The following ENAH variants were observed in gnomAD, a reference collection of about 807,000 sequenced individuals.
ENAH encodes the protein protein enabled homolog.
ENAH carries 23 observed loss-of-function variants against 78.7 expected under a neutral mutation model. The observed-to-expected ratio is 0.29, with a 90% CI of 0.21 to 0.41. ENAH has a LOEUF of 0.41. ENAH is among the 10% of genes least tolerant of loss of function. The pLI, the probability that ENAH is intolerant of heterozygous loss-of-function variation, is 1.00. For missense variants in ENAH, 544 were observed against 691.0 expected (o/e 0.79, Z 2.39); for synonymous variants, 226 against 241.0 (o/e 0.94, Z 0.58).
At position 225,530,645 on chromosome 1, in the gene ENAH, A is replaced by G. The variant is rs772289877; in HGVS notation, c.350-7T>C. On this transcript the variant is annotated splice_region_variant and splice_polypyrimidine_tract_variant and intron_variant, in intron 3 of 13. Transcript: ENST00000366843. Reference sequence around the variant, plus strand: ...TGTCTAGGCAATGTTGGCCCTACAGAGGGAGAAAACATTACAGATGAACAT... The same window carrying G: ...TGTCTAGGCAATGTTGGCCCTACAGGGGGAGAAAACATTACAGATGAACAT... The G allele has an allele frequency of 5.6e-6, 9 of 1,604,212 alleles. No individual in the cohort carries two copies. Among genetic ancestry groups the G allele is most frequent in the Non-Finnish European group, 7.7e-6 (9 of 1,171,330 alleles).
Position 225,613,350 on chromosome 1 carries a change from C to G in ENAH, c.5+39336G>C, listed in dbSNP as rs533871732. On this transcript the variant is annotated intron_variant, in intron 1 of 13. Coordinates refer to ENST00000366843, the MANE Select transcript of ENAH (RefSeq NM_018212.6). ...ACAGACTTATTGGTACATCCTTCTC[C>G]TCCATTCAGCTACCAGAATGTAAGC... Among the ~76,000 whole-genome samples, 17 of 152,280 alleles carry G rather than the reference C, an allele frequency of 1.1e-4. No homozygotes were observed. The East Asian group carries it at 3.3e-3, about 29-fold the overall frequency.
intron 5 of ENAH, 95 bp from the exon 6 acceptor site, chr1:225,517,401 G>A: frequency 6.4e-7 from 1 of 1,551,840 alleles, no homozygotes; most frequent in Non-Finnish European, 8.7e-7. Flanking sequence ...CACAGTGTGA[G>A]AGTGATGCGA....
intron 1 of ENAH, among the ~76,000 whole-genome samples, chr1:225,626,639 GT>G: frequency 6.6e-6 from 1 of 152,272 alleles, no homozygotes; most frequent in African/African-American, 2.4e-5. Flanking sequence ...ATAAATTTGT[GT>G]TTATAAATTA....
In ENAH at chr1:225,589,308, G is replaced by C. The variant is rs551349234; in HGVS notation, c.6-21894C>G. 4.3e-4 allele frequency among the ~76,000 whole-genome samples: 66 copies of C among 151,992 alleles called. 2 individuals are homozygous for C. The highest frequency in any genetic ancestry group is 1.5e-3 in the South Asian group (7 of 4,814). On this transcript the variant is annotated intron_variant, in intron 1 of 13. Coordinates refer to ENST00000366843, the MANE Select transcript of ENAH (RefSeq NM_018212.6). ...TTCCGCTATATATATATCACAAAAG[G>C]AAAAAATATATATAAGCATTATTGA...
chr1:225,543,785 G>A (rs1309253788), intron 3 of ENAH, among the ~76,000 whole-genome samples: 2 of 152,072 alleles, frequency 1.3e-5, no homozygotes, highest in Non-Finnish European at 2.9e-5. Context: ...AATTTTTTAT[G>A]TATTAATGAA....
intron 3 of ENAH, among the ~76,000 whole-genome samples, chr1:225,554,039 G>C (rs1428030674): frequency 6.6e-6 from 1 of 152,048 alleles, no homozygotes; most frequent in Non-Finnish European, 1.5e-5. Flanking sequence ...ATTTTGAACA[G>C]ATTTTGATAT....
intron 3 of ENAH, 112 bp from the exon 4 acceptor site, chr1:225,530,750 CT>C: frequency 1.2e-6 from 1 of 817,628 alleles, no homozygotes; most frequent in Admixed American, 2.5e-5. Flanking sequence ...AACGTGTCTT[CT>C]TTTTGTCTAG....
chr1:225,611,185 T>G (rs968520106), intron 1 of ENAH, among the ~76,000 whole-genome samples: 1 of 151,900 alleles, frequency 6.6e-6, no homozygotes, highest in Non-Finnish European at 1.5e-5. Flanking sequence ...AATTTCAAGT[T>G]GAAAAAAGAT....
At chr1:225,519,099 C>A in intron 5 of ENAH, 99 bp downstream of exon 5, 1 of 1,505,366 alleles carries the variant, frequency 6.6e-7, no homozygotes, top group South Asian at 1.3e-5. Flanking sequence ...TGGCTTAATC[C>A]CAAACATCTC....
At position 225,557,766 on chromosome 1, in the gene ENAH, A is replaced by T. The variant is rs563844111; in HGVS notation, c.172-2683T>A. 2.0e-5 allele frequency among the ~76,000 whole-genome samples: 3 copies of T among 152,324 alleles called. No homozygotes were observed. In the South Asian group the frequency reaches 6.2e-4, roughly 32 times the overall value. On this transcript the variant is annotated intron_variant, in intron 2 of 13. Transcript: ENST00000366843. ...AACCCAGGAAGCAGAGGTTGCAGTGAGCTGAGACTCTGCCACTGCACTCCA... is the reference window on the plus strand; with the variant it reads ...AACCCAGGAAGCAGAGGTTGCAGTGTGCTGAGACTCTGCCACTGCACTCCA...
chr1:225,545,249 G>A (rs1224561714), intron 3 of ENAH, among the ~76,000 whole-genome samples: 1 of 152,202 alleles, frequency 6.6e-6, no homozygotes, highest in Non-Finnish European at 1.5e-5. Flanking sequence ...CGGCCTTTAA[G>A]ATTTTTTTGC....
chr1:225,569,340 G>A (rs2096749213), intron 1 of ENAH, among the ~76,000 whole-genome samples: 1 of 152,176 alleles, frequency 6.6e-6, no homozygotes, highest in Non-Finnish European at 1.5e-5. Context: ...GGGGAGCTGG[G>A]GGAGGGACAG....
chr1:225,554,976 G>T lies in ENAH; in HGVS notation c.279C>A (p.Ser93Arg). ...TTGCGAAGACATTGGCATCCTCTTT[G>T]CTGCCAAAGTTGAGACCATACACCT... ...ARQVYGLNFG[S>R]KEDANVFASA... The change falls in exon 3 of 14, where the codon AGC becomes AGA. Residue 93 changes from serine (S) to arginine (R), a missense_variant. Ser to Arg is a moderately radical substitution (Grantham distance 110). Transcript: ENST00000366843. 6.2e-7 allele frequency: 1 copy of T among 1,606,254 alleles called. No homozygotes were observed. The highest frequency in any genetic ancestry group is 8.5e-7 in the Non-Finnish European group (1 of 1,173,974).
chr1:225,612,840 CA>C (rs58398492), intron 1 of ENAH, among the ~76,000 whole-genome samples: 3 of 147,386 alleles, frequency 2.0e-5, no homozygotes, highest in South Asian at 2.2e-4. Context: ...TACAATAATG[CA>C]AAAAAAAGGG....
chr1:225,542,806 A>G (rs1163279798), intron 3 of ENAH, among the ~76,000 whole-genome samples: 1 of 152,182 alleles, frequency 6.6e-6, no homozygotes. Flanking sequence ...CATTGAGGCC[A>G]GGAGTTCAAG....
chr1:225,544,302 T>C (rs1185360302), intron 3 of ENAH, among the ~76,000 whole-genome samples: 1 of 152,212 alleles, frequency 6.6e-6, no homozygotes, highest in East Asian at 1.9e-4. Flanking sequence ...ACTATCCTCA[T>C]GTAAGAAAGC....
At position 225,638,585 on chromosome 1, in the gene ENAH, T is replaced by C. The variant is rs1660472928; in HGVS notation, c.5+14101A>G. ...ATTTTTCTTATTGGGTCATTTTACT[T>C]ACTTTGGAATCACTGAGAAAGTAAA... On this transcript the variant is annotated intron_variant, in intron 1 of 13. Coordinates refer to ENST00000366843, the MANE Select transcript of ENAH (RefSeq NM_018212.6). Among the ~76,000 whole-genome samples, 3 of 152,230 alleles carry C rather than the reference T, an allele frequency of 2.0e-5. No individual in the cohort carries two copies. The South Asian group carries it at 6.2e-4, about 32-fold the overall frequency.
At chr1:225,526,417 C>T (rs868864855) in intron 4 of ENAH, among the ~76,000 whole-genome samples, 19 of 151,380 alleles carry the variant, frequency 1.3e-4, no homozygotes, top group African/African-American at 4.1e-4. Context: ...CAGCTCATTG[C>T]GACCTTGGCC....
At chr1:225,611,680 A>T (rs2096990312) in intron 1 of ENAH, among the ~76,000 whole-genome samples, 2 of 152,044 alleles carry the variant, frequency 1.3e-5, no homozygotes, top group Non-Finnish European at 2.9e-5. Flanking sequence ...CTGGCTACTC[A>T]GGAGGCTGAG....
Sources: gnomAD v4.1 joint callset for allele counts (sites outside exome capture counted in the v4.1 genomes callset) on GRCh38, gnomAD v4.1.1 for gene constraint, MANE v1.5 for transcripts, NCBI Gene and HGNC (gene_info 2026-07-23, HGNC 2026-07-21) for gene names.